The following ROBO2 variants were observed in gnomAD, a reference collection of about 807,000 sequenced individuals.
ROBO2 encodes roundabout guidance receptor 2, also known as roundabout homolog 2.
A neutral mutation model predicts 160.8 loss-of-function variants in ROBO2; 53 were observed. That is an observed-to-expected ratio of 0.33 (90% CI 0.26 to 0.41). The LOEUF (loss-of-function observed/expected upper bound fraction) is 0.41, where lower values mean the gene tolerates loss of function less well. Ranked by LOEUF, ROBO2 falls within the 10% of genes least tolerant of loss-of-function variation. The pLI, the probability that ROBO2 is intolerant of heterozygous loss-of-function variation, is 1.00. For missense variants in ROBO2, 1,577 were observed against 1,722.4 expected, an observed-to-expected ratio of 0.92 and a Z score of 1.49; for synonymous variants, 664 against 611.7, an observed-to-expected ratio of 1.09 and a Z score of -1.26.
chr3:76,169,256 T>G (rs1260775185), intron 2 of ROBO2, among the ~76,000 whole-genome samples: 1 of 152,170 alleles, frequency 6.6e-6, no homozygotes, highest in African/African-American at 2.4e-5. Context: ...ATCAGCCAAC[T>G]GGATAATCAA....
chr3:77,076,540 A>T (rs1173570072), intron 1 of ROBO2, among the ~76,000 whole-genome samples: 1 of 152,022 alleles, frequency 6.6e-6, no homozygotes, highest in African/African-American at 2.4e-5. Flanking sequence ...TAATGAGTAA[A>T]TTTTTCTCTC....
intron 2 of ROBO2, among the ~76,000 whole-genome samples, chr3:75,942,802 T>G (rs1303494249): frequency 6.6e-6 from 1 of 152,136 alleles, no homozygotes; most frequent in Non-Finnish European, 1.5e-5. Flanking sequence ...ACAGTATACT[T>G]TTGATTTCCT....
intron 2 of ROBO2, among the ~76,000 whole-genome samples, chr3:77,443,146 A>G (rs559424605): frequency 6.6e-6 from 1 of 152,358 alleles, no homozygotes; most frequent in East Asian, 1.9e-4. Context: ...TGAATGTAAA[A>G]TCAAAGTCTT....
chr3:77,504,946 C>G (rs2088256324), intron 5 of ROBO2, among the ~76,000 whole-genome samples: 1 of 152,264 alleles, frequency 6.6e-6, no homozygotes, highest in East Asian at 1.9e-4. Flanking sequence ...ATAGCAATGG[C>G]TATTTCAAAA....
chr3:76,786,687 G>A (rs931630993), intron 2 of ROBO2, among the ~76,000 whole-genome samples: 3 of 150,754 alleles, frequency 2.0e-5, no homozygotes, highest in African/African-American at 4.9e-5. Flanking sequence ...CAATGCCTTA[G>A]GCAACGAGTA....
chr3:75,948,954 TG>T (rs1298410966), intron 2 of ROBO2, among the ~76,000 whole-genome samples: 3 of 152,134 alleles, frequency 2.0e-5, no homozygotes, highest in Non-Finnish European at 4.4e-5. Context: ...AGTGCATTTT[TG>T]TTATTGAAAT....
chr3:76,024,566 C>T (rs188568031), intron 2 of ROBO2, among the ~76,000 whole-genome samples: 1 of 151,460 alleles, frequency 6.6e-6, no homozygotes, highest in Admixed American at 6.6e-5. Context: ...TATAACCACG[C>T]ATTTTCAACT....
At chr3:77,640,205 G>A (rs537093822) in intron 24 of ROBO2, among the ~76,000 whole-genome samples, 34 of 140,732 alleles carry the variant, frequency 2.4e-4, no homozygotes, top group African/African-American at 9.2e-4. Context: ...TCCGCCTCCC[G>A]GGTTCACGCC....
chr3:76,898,522 T>C (rs900940199), intron 2 of ROBO2, among the ~76,000 whole-genome samples: 10 of 152,160 alleles, frequency 6.6e-5, no homozygotes, highest in African/African-American at 2.4e-4. Context: ...AAAACACATT[T>C]TTAATAACAA....
At chr3:77,634,218 T>C (rs2095223945) in intron 23 of ROBO2, 1 of 152,984 alleles carries the variant, frequency 6.5e-6, no homozygotes, top group African/African-American at 2.4e-5. Flanking sequence ...GATACAATAA[T>C]ATTAATCAGA....
At chr3:76,459,330 T>C (rs1255542636) in intron 2 of ROBO2, among the ~76,000 whole-genome samples, 3 of 152,194 alleles carry the variant, frequency 2.0e-5, no homozygotes, top group Admixed American at 6.5e-5. Flanking sequence ...TGCAGACTTA[T>C]AAAATTTCAA....
chr3:77,565,860 C>A (rs186009481), intron 12 of ROBO2, among the ~76,000 whole-genome samples: 232 of 152,076 alleles, frequency 1.5e-3, no homozygotes, highest in Non-Finnish European at 2.7e-3. Flanking sequence ...ATCCTTATTA[C>A]CTGTCTCTTC....
intron 2 of ROBO2, among the ~76,000 whole-genome samples, chr3:76,528,750 A>T (rs2082075546): frequency 6.6e-6 from 1 of 152,134 alleles, no homozygotes; most frequent in South Asian, 2.1e-4. Flanking sequence ...TCACCAGGGG[A>T]AGGAGGAGAG....
intron 2 of ROBO2, among the ~76,000 whole-genome samples, chr3:76,513,418 T>A (rs1389508220): frequency 6.6e-6 from 1 of 152,116 alleles, no homozygotes; most frequent in Non-Finnish European, 1.5e-5. Flanking sequence ...AGTGGTGTGA[T>A]CTCAGCTCAC....
chr3:76,280,355 G>A (rs948765405), intron 2 of ROBO2, among the ~76,000 whole-genome samples: 3 of 151,876 alleles, frequency 2.0e-5, no homozygotes, highest in African/African-American at 7.2e-5. Flanking sequence ...AATTCATAAG[G>A]GCAAAGCATT....
At chr3:76,618,278 C>T (rs2088760447) in intron 2 of ROBO2, among the ~76,000 whole-genome samples, 1 of 151,586 alleles carries the variant, frequency 6.6e-6, no homozygotes, top group Non-Finnish European at 1.5e-5. Context: ...ATGCCCATTA[C>T]ATAGAGACTG....
chr3:76,141,145 CTCTCTCTCTCTCTCTATA>C (rs1479477735), intron 2 of ROBO2, among the ~76,000 whole-genome samples: 3 of 59,282 alleles, frequency 5.1e-5, no homozygotes, highest in African/African-American at 1.5e-4. Context: ...CTCTCTCTCT[CTCTCTCTCTCTCTCTATA>C]TATATATATA....
intron 2 of ROBO2, among the ~76,000 whole-genome samples, chr3:77,016,116 A>AGGG (rs1186847256): frequency 1.3e-5 from 2 of 151,974 alleles, no homozygotes; most frequent in Non-Finnish European, 1.5e-5. Context: ...AGCTGGGACT[A>AGGG]CAGGCGCCCG....
intron 2 of ROBO2, among the ~76,000 whole-genome samples, chr3:77,195,319 A>G (rs2082217820): frequency 1.3e-5 from 2 of 152,192 alleles, no homozygotes; most frequent in Non-Finnish European, 2.9e-5. Flanking sequence ...GAATTACAGG[A>G]AGTCAATCAA....
Sources: allele counts gnomAD v4.1 joint callset (sites outside exome capture counted in the v4.1 genomes callset), GRCh38; gene constraint gnomAD v4.1.1; transcripts MANE v1.5; gene names NCBI Gene and HGNC (gene_info 2026-07-23, HGNC 2026-07-21).